Variants in MAP3K13 observed in about 807,000 individuals in gnomAD.
MAP3K13 encodes leucine zipper-bearing kinase.
In MAP3K13, 52 loss-of-function variants were observed where a neutral mutation model predicts 104.0. The observed-to-expected ratio is 0.50, with a 90% CI of 0.40 to 0.63. MAP3K13 has a LOEUF of 0.63. MAP3K13 is among the 20% of genes least tolerant of loss of function. The probability of loss-of-function intolerance (pLI) is 0.00; values close to 1 mark genes in which losing one functional copy is unlikely to be tolerated. For missense variants in MAP3K13, 914 were observed against 1,218.5 expected, an observed-to-expected ratio of 0.75 and a Z score of 3.72; for synonymous variants, 394 against 442.2, an observed-to-expected ratio of 0.89 and a Z score of 1.37.
chr3:185,445,587 C>T (rs766473026), intron 4 of MAP3K13, among the ~76,000 whole-genome samples: 50 of 152,074 alleles, frequency 3.3e-4, no homozygotes, highest in Non-Finnish European at 6.9e-4. Context: ...GTCAGGAAGC[C>T]GTAGAATAGA....
intron 2 of MAP3K13, among the ~76,000 whole-genome samples, chr3:185,302,694 A>T (rs957143276): frequency 6.6e-6 from 1 of 152,126 alleles, no homozygotes; most frequent in Non-Finnish European, 1.5e-5. Flanking sequence ...TGAATCATTG[A>T]TTTTGTATTC....
intron 7 of MAP3K13, among the ~76,000 whole-genome samples, chr3:185,455,989 A>G (rs565307797): frequency 6.1e-5 from 9 of 147,486 alleles, no homozygotes; most frequent in Admixed American, 4.1e-4. Flanking sequence ...TATATGATAT[A>G]TATGAGATAT....
chr3:185,420,970 T>A (rs1714084557), intron 1 of MAP3K13, among the ~76,000 whole-genome samples: 2 of 152,058 alleles, frequency 1.3e-5, no homozygotes, highest in African/African-American at 4.8e-5. Flanking sequence ...TGCCTACTAA[T>A]TTTGCACAAA....
intron 1 of MAP3K13, among the ~76,000 whole-genome samples, chr3:185,385,973 A>T (rs1256637636): frequency 6.6e-6 from 1 of 151,564 alleles, no homozygotes; most frequent in Non-Finnish European, 1.5e-5. Context: ...GCTGCATTCC[A>T]GCCTGGGTGA....
intron 10 of MAP3K13, among the ~76,000 whole-genome samples, chr3:185,471,043 G>A (rs983257955): frequency 2.0e-5 from 3 of 152,152 alleles, no homozygotes; most frequent in Admixed American, 6.6e-5. Context: ...GAGCCAAATC[G>A]GGACTGTAAG....
intron 7 of MAP3K13, among the ~76,000 whole-genome samples, chr3:185,455,564 G>C (rs62650468): frequency 0.01 from 23 of 2,250 alleles, 4 homozygotes; most frequent in South Asian, 0.03. Flanking sequence ...ATATATATGA[G>C]ATATATATGA....
intron 2 of MAP3K13, among the ~76,000 whole-genome samples, chr3:185,304,660 G>A (rs951107690): frequency 2.6e-5 from 4 of 151,772 alleles, no homozygotes; most frequent in African/African-American, 4.8e-5. Context: ...TTGAGACAGA[G>A]TCTCTCATTG....
At chr3:185,351,555 A>C (rs77884584) in intron 2 of MAP3K13, among the ~76,000 whole-genome samples, 1 of 152,210 alleles carries the variant, frequency 6.6e-6, no homozygotes. Flanking sequence ...TGGCTCTGCC[A>C]TGAATTCCAA....
intron 2 of MAP3K13, among the ~76,000 whole-genome samples, chr3:185,311,248 C>T (rs1289816023): frequency 6.6e-6 from 1 of 152,136 alleles, no homozygotes; most frequent in African/African-American, 2.4e-5. Context: ...ACTTACAGTT[C>T]CACATGGCTG....
chr3:185,385,652 A>C (rs770238736), intron 1 of MAP3K13, among the ~76,000 whole-genome samples: 40 of 152,244 alleles, frequency 2.6e-4, no homozygotes, highest in Non-Finnish European at 4.3e-4. Flanking sequence ...TCTGATGAAC[A>C]TAGATGCAAA....
At chr3:185,370,547 T>A (rs973684283) in intron 1 of MAP3K13, among the ~76,000 whole-genome samples, 13 of 152,102 alleles carry the variant, frequency 8.5e-5, no homozygotes, top group African/African-American at 1.2e-4. Context: ...CTGCGACAGC[T>A]GGGGAGGAGG....
chr3:185,300,508 T>C (rs1721067327), intron 2 of MAP3K13, among the ~76,000 whole-genome samples: 1 of 150,750 alleles, frequency 6.6e-6, no homozygotes, highest in South Asian at 2.1e-4. Context: ...TTTTTTCTTT[T>C]TCAGATGGAG....
chr3:185,472,823 C>T, intron 10 of MAP3K13, 152 bp from the exon 11 acceptor site: 1 of 738,656 alleles, frequency 1.4e-6, no homozygotes, highest in East Asian at 2.7e-5. Context: ...CTTCCATGAA[C>T]ATTTTGAAGA....
At chr3:185,283,032 C>A (rs1720359380) in intron 1 of MAP3K13, 1 of 152,382 alleles carries the variant, frequency 6.6e-6, no homozygotes. Flanking sequence ...CGACAGGTAA[C>A]CTGCGGGCGG....
intron 2 of MAP3K13, among the ~76,000 whole-genome samples, chr3:185,312,005 G>C (rs1181078699): frequency 6.6e-6 from 1 of 152,212 alleles, no homozygotes; most frequent in Non-Finnish European, 1.5e-5. Flanking sequence ...TATTGGCCTT[G>C]TAAGAGCCTA....
At chr3:185,358,520 T>A (rs1246036277), upstream of MAP3K13, among the ~76,000 whole-genome samples, 3 of 152,240 alleles carry the variant, frequency 2.0e-5, no homozygotes, top group Non-Finnish European at 2.9e-5. Context: ...GCATGTAGCT[T>A]TCTGATGATC....
At chr3:185,438,738 T>C (rs1241146156) in intron 3 of MAP3K13, among the ~76,000 whole-genome samples, 1 of 152,200 alleles carries the variant, frequency 6.6e-6, no homozygotes, top group Non-Finnish European at 1.5e-5. Context: ...CCTTGAGTTC[T>C]CTCCCTCACT....
intron 3 of MAP3K13, 141 bp from the exon 4 acceptor site, chr3:185,443,304 A>G: frequency 1.7e-6 from 1 of 596,104 alleles, no homozygotes; most frequent in East Asian, 2.8e-5. Flanking sequence ...TTCCATGCTA[A>G]TTTGAGAATC....
Position 185,299,541 on chromosome 3 carries a change from C to T in MAP3K13, c.-86+13898C>T, listed in dbSNP as rs573052844. On this transcript the variant is annotated intron_variant, in intron 2 of 14. Coordinates refer to the MAP3K13 transcript ENST00000424227. The stretch of plus-strand genomic sequence containing the variant: ...TCTTCTCTGTATGTCTGTCTGTTTT[C>T]TCTCTCTCTCTCTTTTTTTTTTTTT... Among the ~76,000 whole-genome samples, 6 of 45,186 alleles carry T rather than the reference C, an allele frequency of 1.3e-4. 1 individual carries two copies. Among genetic ancestry groups the T allele is most frequent in the East Asian group, 7.2e-4 (1 of 1,390 alleles). 29.6% of individuals were successfully genotyped at this position (45,186 alleles called of 152,430 possible).
Sources: allele counts gnomAD v4.1 joint callset (sites outside exome capture counted in the v4.1 genomes callset), GRCh38; gene constraint gnomAD v4.1.1; transcripts MANE v1.5; gene names NCBI Gene and HGNC (gene_info 2026-07-23, HGNC 2026-07-21).